BBS2: variants seen among roughly 807,000 people sequenced by gnomAD.
The protein encoded by BBS2 is BBSome complex member BBS2.
In BBS2, 62 loss-of-function variants were observed where a neutral mutation model predicts 83.0. The ratio of observed to expected loss-of-function variants is 0.75; its 90% confidence interval spans 0.61 to 0.92. The LOEUF is 0.92. Ranked by LOEUF, BBS2 falls within the 40% of genes least tolerant of loss-of-function variation. The pLI is 0.00. For missense variants in BBS2, 784 were observed against 901.0 expected (o/e 0.87, Z 1.66); for synonymous variants, 303 against 326.1 (o/e 0.93, Z 0.76).
intron 13 of BBS2, among the ~76,000 whole-genome samples, 175 bp downstream of exon 13, chr16:56,498,262 G>GA (rs1481562731): frequency 2.6e-5 from 4 of 152,006 alleles, no homozygotes; most frequent in Admixed American, 2.0e-4. Context: ...TAAACCATGT[G>GA]AAAAAAATAA....
chr16:56,516,996 A>AT (rs1567586485), intron 1 of BBS2, among the ~76,000 whole-genome samples: 2 of 150,612 alleles, frequency 1.3e-5, no homozygotes, highest in African/African-American at 4.9e-5. Context: ...TATTTTATTT[A>AT]TTATTATTAT....
At chr16:56,511,364 A>C in intron 2 of BBS2, 80 bp from the exon 3 acceptor site, 1 of 1,583,934 alleles carries the variant, frequency 6.3e-7, no homozygotes, top group Non-Finnish European at 8.6e-7. Context: ...ATTTTGAGTA[A>C]ACTGAGCAGA....
In BBS2 at chr16:56,484,800, TG is replaced by T; in HGVS notation, c.2126del (p.Thr709AsnfsTer15). The T allele has an allele frequency of 6.2e-7, 1 of 1,614,058 alleles. No homozygotes were observed. Among genetic ancestry groups the T allele is most frequent in the South Asian group, 1.1e-5 (1 of 91,078 alleles). On this transcript the variant is annotated frameshift_variant, in exon 17 of 17. Coordinates refer to ENST00000245157, the MANE Select transcript of BBS2 (RefSeq NM_031885.5). LOFTEE classifies it high-confidence loss of function. ...TCCCCACTCGCATGATTTTGAACAG[TG>T]TGTTGATGTTATTGCTTCGAATTGC... ...RDAIRSNNIN[T>X]LFKIMRVGTA... is the part of the protein sequence containing the mutation.
chr16:56,517,537 A>G (rs1478966060), intron 1 of BBS2, among the ~76,000 whole-genome samples: 21 of 152,198 alleles, frequency 1.4e-4, no homozygotes, highest in Non-Finnish European at 3.1e-4. Flanking sequence ...CTAAGACACC[A>G]AGCTCCCATC....
At chr16:56,481,645 C>G (rs1215610712), downstream of BBS2, among the ~76,000 whole-genome samples, 1 of 152,146 alleles carries the variant, frequency 6.6e-6, no homozygotes, top group Non-Finnish European at 1.5e-5. Context: ...GCTGTAGCTT[C>G]TAGAAGTACT....
At position 56,497,818 on chromosome 16, in the gene BBS2, A is replaced by C. The variant is rs1964156011; in HGVS notation, c.1722T>G (p.Phe574Leu). Residue 574 changes from phenylalanine (F) to leucine (L), a missense_variant, in exon 14 of 17, where the codon TTT becomes TTG. Physicochemically the swap from Phe to Leu is conservative, Grantham distance 22. Transcript: ENST00000245157. The part of the protein sequence containing the change: ...AGDIIQSMAS[F>L]FAIEDLQVEA... ...CTACTTGAAGGTCTTCAATAGCAAAAAATGATGCCATTGACTGGATGATAT... is the reference window on the plus strand; with the variant it reads ...CTACTTGAAGGTCTTCAATAGCAAACAATGATGCCATTGACTGGATGATAT... 6.2e-7 allele frequency: 1 copy of C among 1,613,106 alleles called. No individual in the cohort carries two copies. Among genetic ancestry groups the C allele is most frequent in the African/African-American group, 1.3e-5 (1 of 74,876 alleles).
At chr16:56,496,755 A>G (rs189574397) in intron 15 of BBS2, among the ~76,000 whole-genome samples, 89 of 152,386 alleles carry the variant, frequency 5.8e-4, no homozygotes, top group Non-Finnish European at 1.3e-4. Flanking sequence ...AAGCATACAT[A>G]TAACTAAGCT....
At chr16:56,480,352 C>CCAAAAAAAAAAAAAA (rs1555519770), downstream of BBS2, among the ~76,000 whole-genome samples, 1 of 76,590 alleles carries the variant, frequency 1.3e-5, no homozygotes, top group Non-Finnish European at 2.3e-5. Flanking sequence ...CACACACACA[C>CCAAAAAAAAAAAAAA]AAAAAAAAAA....
intron 15 of BBS2, among the ~76,000 whole-genome samples, chr16:56,496,183 A>AT (rs1964112314): frequency 6.6e-6 from 1 of 152,102 alleles, no homozygotes; most frequent in Non-Finnish European, 1.5e-5. Context: ...TTTGTTAACT[A>AT]TTTTACTGAA....
intron 17 of BBS2, among the ~76,000 whole-genome samples, chr16:56,473,562 T>C (rs1194460351): frequency 2.6e-5 from 4 of 152,206 alleles, no homozygotes; most frequent in African/African-American, 9.6e-5. Context: ...CCCACCAGCA[T>C]TGTACATGAT....
chr16:56,510,115 G>C (rs1402472168), intron 4 of BBS2, 81 bp from the exon 5 acceptor site: 8 of 1,263,760 alleles, frequency 6.3e-6, no homozygotes, highest in African/African-American at 5.9e-5. Context: ...AAATTGCACA[G>C]TACTTTGCAT....
rs1331637717 is a variant in BBS2, at chr16:56,502,383, G to A, written c.1014C>T (p.Ile338=). 4 of 1,614,202 alleles carry A rather than the reference G, an allele frequency of 2.5e-6. No individual in the cohort carries two copies. The highest frequency in any genetic ancestry group is 3.3e-5 in the Admixed American group (2 of 60,020). Residue 338 remains isoleucine (I), a synonymous_variant, in exon 9 of 17, where the codon ATC becomes ATT. Coordinates refer to ENST00000245157, the MANE Select transcript of BBS2 (RefSeq NM_031885.5). ...LMDTSAEQDL[I]RELSQKKQNL... ...TCTGCTTCTTCTGACTCAGCTCTCGGATCAGGTCCTGCTCTGCACTGGTGT... is the reference window on the plus strand; with the variant it reads ...TCTGCTTCTTCTGACTCAGCTCTCGAATCAGGTCCTGCTCTGCACTGGTGT...
At chr16:56,480,032 A>G (rs553217457), downstream of BBS2, among the ~76,000 whole-genome samples, 46 of 152,334 alleles carry the variant, frequency 3.0e-4, no homozygotes, top group Middle Eastern at 3.4e-3. Context: ...CTACTTCACT[A>G]CTTCTTCTTT....
chr16:56,500,183 G>A, intron 11 of BBS2: 1 of 395,328 alleles, frequency 2.5e-6, no homozygotes, highest in Non-Finnish European at 4.8e-6. Context: ...TCCACAAATA[G>A]AGCAGTTTTT....
Position 56,495,013 on chromosome 16 carries a change from T to C in BBS2, c.1910+1954A>G, listed in dbSNP as rs150329066. ...AAAATTAATAATAACAGATATAAAT[T>C]GAAACACATTAAATATGTTCAAATA... is the stretch of plus-strand genomic sequence containing the variant. On this transcript the variant is annotated intron_variant, in intron 15 of 16. Transcript: ENST00000245157. Among the ~76,000 whole-genome samples, 928 of 151,914 alleles carry C rather than the reference T, an allele frequency of 6.1e-3. 12 individuals are homozygous for C. The highest frequency in any genetic ancestry group is 0.021 in the African/African-American group (872 of 41,448).
At chr16:56,501,236 G>A in intron 10 of BBS2, 117 bp downstream of exon 10, 1 of 1,428,120 alleles carries the variant, frequency 7.0e-7, no homozygotes, top group South Asian at 1.2e-5. Context: ...CATGAACCCG[G>A]GAGGCAGAGC....
At chr16:56,502,568 A>C in intron 8 of BBS2, 105 bp downstream of exon 8, 6 of 1,610,456 alleles carry the variant, frequency 3.7e-6, no homozygotes. Flanking sequence ...AATTTATTAG[A>C]ACTACAGGAT....
intron 2 of BBS2, among the ~76,000 whole-genome samples, chr16:56,512,337 G>A (rs980641045): frequency 3.9e-5 from 6 of 152,050 alleles, no homozygotes; most frequent in Non-Finnish European, 5.9e-5. Context: ...CCACTCTTGG[G>A]TATTTACCCA....
intron 17 of BBS2, among the ~76,000 whole-genome samples, chr16:56,471,742 TG>T (rs1963196373): frequency 6.6e-6 from 1 of 152,236 alleles, no homozygotes; most frequent in South Asian, 2.1e-4. Context: ...CAAAACTGAC[TG>T]AACAGTCACT....
Sources: allele counts gnomAD v4.1 joint callset (sites outside exome capture counted in the v4.1 genomes callset), GRCh38; gene constraint gnomAD v4.1.1; transcripts MANE v1.5; gene names NCBI Gene and HGNC (gene_info 2026-07-23, HGNC 2026-07-21).